MTBP: variants seen among roughly 807,000 people sequenced by gnomAD.
The protein encoded by MTBP is mdm2-binding protein.
In MTBP, 101 loss-of-function variants were observed where a neutral mutation model predicts 117.0. The observed-to-expected ratio is 0.86, with a 90% confidence interval of 0.73 to 1.02. The LOEUF is 1.02. MTBP is among the 50% of genes least tolerant of loss of function. The pLI is 0.00. For synonymous variants in MTBP, 350 were observed against 351.5 expected (o/e 1.00, Z 0.05); for missense variants, 970 against 1,030.9 (o/e 0.94, Z 0.81).
intron 7 of MTBP, among the ~76,000 whole-genome samples, chr8:120,458,352 C>T (rs1586940588): frequency 1.3e-5 from 2 of 152,088 alleles, no homozygotes; most frequent in African/African-American, 4.8e-5. Context: ...TAGTTCCTAT[C>T]GCATAGATTT....
intron 10 of MTBP, among the ~76,000 whole-genome samples, chr8:120,464,882 T>C (rs1175385762): frequency 1.3e-5 from 2 of 152,170 alleles, no homozygotes; most frequent in African/African-American, 2.4e-5. Flanking sequence ...AACCCAGTAA[T>C]GAAGTGTACA....
At chr8:120,470,631 A>G (rs1287793731) in intron 10 of MTBP, among the ~76,000 whole-genome samples, 189 bp from the exon 11 acceptor site, 1 of 151,912 alleles carries the variant, frequency 6.6e-6, no homozygotes, top group Non-Finnish European at 1.5e-5. Context: ...TTTAGCTTTT[A>G]TTTTGTTTTG....
chr8:120,518,827 C>A lies in MTBP; in HGVS notation c.2610+10C>A. On this transcript the variant is annotated intron_variant, in intron 20 of 21. Coordinates refer to ENST00000305949, the MANE Select transcript of MTBP (RefSeq NM_022045.5). ...TAAGTTCTATCTAAAGGTACGGTAT[C>A]TTCTCTACTAATGGCAAAATTTAGT... 2 of 1,569,474 alleles carry A rather than the reference C, an allele frequency of 1.3e-6. No homozygotes were observed. Among genetic ancestry groups the A allele is most frequent in the African/African-American group, 1.4e-5 (1 of 73,138 alleles).
At chr8:120,473,821 TG>T (rs1813875401) in intron 11 of MTBP, 1 of 152,094 alleles carries the variant, frequency 6.6e-6, no homozygotes, top group Admixed American at 6.6e-5. Context: ...CATATAGTCA[TG>T]GGATAATACT....
At chr8:120,448,349 A>G (rs1283311628) in intron 2 of MTBP, among the ~76,000 whole-genome samples, 2 of 152,156 alleles carry the variant, frequency 1.3e-5, no homozygotes, top group African/African-American at 4.8e-5. Flanking sequence ...CACAGCAGCT[A>G]TTTTTAGAAC....
chr8:120,453,213 G>A (rs375319324), intron 4 of MTBP, among the ~76,000 whole-genome samples: 1 of 152,124 alleles, frequency 6.6e-6, no homozygotes, highest in Non-Finnish European at 1.5e-5. Context: ...CACTTTGGGA[G>A]GCTGAGGCAG....
At chr8:120,491,811 C>A (rs1398078588) in intron 13 of MTBP, among the ~76,000 whole-genome samples, 2 of 152,084 alleles carry the variant, frequency 1.3e-5, no homozygotes, top group African/African-American at 4.8e-5. Flanking sequence ...CAAAAACTAT[C>A]AGAAGAGCAG....
intron 4 of MTBP, chr8:120,452,129 A>G (rs748662713): frequency 4.6e-5 from 7 of 152,182 alleles, no homozygotes; most frequent in Admixed American, 2.0e-4. Context: ...TCCAGGTGAC[A>G]TAAGTTGTGA....
chr8:120,455,421 T>C lies in MTBP; in HGVS notation c.485-14T>C. The C allele has an allele frequency of 3.2e-6, 5 of 1,553,142 alleles. No individual in the cohort carries two copies. Among genetic ancestry groups the C allele is most frequent in the Non-Finnish European group, 4.3e-6 (5 of 1,153,482 alleles). On this transcript the variant is annotated splice_polypyrimidine_tract_variant and intron_variant, in intron 5 of 21. Transcript: ENST00000305949. ...CTTTTTAAAAATTACAAAAATGCCT[T>C]TTTCTCTTTCTAGGTAGAGCAATGG...
At chr8:120,476,140 C>A (rs1300301432) in intron 11 of MTBP, among the ~76,000 whole-genome samples, 1 of 152,004 alleles carries the variant, frequency 6.6e-6, no homozygotes, top group African/African-American at 2.4e-5. Flanking sequence ...TTTGTCACAT[C>A]ATGTATACTT....
intron 15 of MTBP, 81 bp from the exon 16 acceptor site, chr8:120,506,623 CTG>C (rs147426766): frequency 0.21 from 221,212 of 1,072,056 alleles, 24,241 homozygotes; most frequent in African/African-American, 0.21. Flanking sequence ...CTTTTCCCGA[CTG>C]TGCTTTTTTT....
intron 9 of MTBP, 75 bp downstream of exon 9, chr8:120,461,330 A>T: frequency 9.9e-7 from 1 of 1,014,984 alleles, no homozygotes; most frequent in Admixed American, 1.9e-5. Flanking sequence ...TTGTCAGGTA[A>T]ATATACATGT....
chr8:120,470,973 A>G (rs1389235901), intron 11 of MTBP, 36 bp downstream of exon 11: 1 of 1,345,104 alleles, frequency 7.4e-7, no homozygotes, highest in Non-Finnish European at 1.1e-6. Context: ...TTAATGATGC[A>G]GCATAGTTAA....
intron 7 of MTBP, among the ~76,000 whole-genome samples, chr8:120,458,809 C>G (rs1402104200): frequency 6.7e-6 from 1 of 150,126 alleles, no homozygotes; most frequent in East Asian, 2.0e-4. Context: ...CCACTGCACT[C>G]CAGCCTGGGC....
At chr8:120,503,315 C>T (rs796628113) in intron 15 of MTBP, among the ~76,000 whole-genome samples, 26 of 152,284 alleles carry the variant, frequency 1.7e-4, no homozygotes, top group African/African-American at 6.3e-4. Flanking sequence ...CACTGCCCCT[C>T]TCATCTAGAG....
At chr8:120,479,933 T>C (rs73315182) in intron 11 of MTBP, among the ~76,000 whole-genome samples, 11,719 of 151,946 alleles carry the variant, frequency 0.077, 653 homozygotes, top group East Asian at 0.19. Flanking sequence ...GAAGACCTAA[T>C]CTAAATGAGT....
Position 120,456,749 on chromosome 8 carries a change from A to C in MTBP, c.747+79A>C, listed in dbSNP as rs1449475943. On this transcript the variant is annotated intron_variant, in intron 7 of 21. Coordinates refer to ENST00000305949, the MANE Select transcript of MTBP (RefSeq NM_022045.5). Reference sequence around the variant, plus strand: ...ACAGATATTTAAATAAATCTTAATGAAAATGTACCTTATAAAGATATTCTA... The same window carrying C: ...ACAGATATTTAAATAAATCTTAATGCAAATGTACCTTATAAAGATATTCTA... 4 of 774,868 alleles carry C rather than the reference A, an allele frequency of 5.2e-6. No individual in the cohort carries two copies. The Admixed American group carries it at 6.8e-5, about 13-fold the overall frequency. 48.0% of individuals were successfully genotyped at this position (774,868 alleles called of 1,614,324 possible). A position where few individuals can be genotyped will look rare whatever the true frequency, so the allele number is the denominator to read the frequency against.
chr8:120,510,268 C>A (rs1385362097), intron 17 of MTBP, among the ~76,000 whole-genome samples: 1 of 152,070 alleles, frequency 6.6e-6, no homozygotes, highest in South Asian at 2.1e-4. Flanking sequence ...ATATTTTAAT[C>A]AAAATTGTTT....
chr8:120,483,133 G>A (rs911077702), intron 11 of MTBP, among the ~76,000 whole-genome samples: 2 of 151,812 alleles, frequency 1.3e-5, no homozygotes, highest in African/African-American at 4.8e-5. Flanking sequence ...TGAATAGGGT[G>A]GGGTATCAGG....
Sources: gnomAD v4.1 joint callset for allele counts (sites outside exome capture counted in the v4.1 genomes callset) on GRCh38, gnomAD v4.1.1 for gene constraint, MANE v1.5 for transcripts, NCBI Gene and HGNC (gene_info 2026-07-23, HGNC 2026-07-21) for gene names.